The following UNC13C variants were observed in gnomAD, a reference collection of about 807,000 sequenced individuals.
The protein encoded by UNC13C is protein unc-13 homolog C.
Under a neutral mutation model 245.4 loss-of-function variants are expected in UNC13C, and 174 were observed. The observed-to-expected ratio is 0.71, with a 90% CI of 0.63 to 0.80. UNC13C has a LOEUF of 0.80. Among genes scored for constraint, UNC13C ranks in the 30% least tolerant of loss-of-function variants. UNC13C has a pLI of 0.00. For missense variants in UNC13C, 2,829 were observed against 2,602.9 expected (o/e 1.09, Z -1.89); for synonymous variants, 992 against 895.1 (o/e 1.11, Z -1.93).
intron 26 of UNC13C, among the ~76,000 whole-genome samples, chr15:54,537,452 C>CAATATTTTT (rs1285579191): frequency 6.6e-6 from 1 of 151,614 alleles, no homozygotes; most frequent in Non-Finnish European, 1.5e-5. Flanking sequence ...AAACTACCAG[C>CAATATTTTT]AATATTTTTC....
the UNC13C span, among the ~76,000 whole-genome samples, chr15:53,967,721 A>G: frequency 6.6e-6 from 1 of 152,316 alleles, no homozygotes; most frequent in South Asian, 2.1e-4. Flanking sequence ...GGGAAGTGTA[A>G]GTTACATTGA....
intron 30 of UNC13C, among the ~76,000 whole-genome samples, chr15:54,612,533 A>AT (rs1243572643): frequency 6.6e-6 from 1 of 152,048 alleles, no homozygotes; most frequent in African/African-American, 2.4e-5. Context: ...GATTTTCCAC[A>AT]TACAGATATC....
intron 30 of UNC13C, among the ~76,000 whole-genome samples, chr15:54,604,769 G>C (rs1899667324): frequency 2.0e-5 from 3 of 152,124 alleles, no homozygotes; most frequent in Admixed American, 1.3e-4. Context: ...GAGTTGTTCA[G>C]ATGTTGTTAC....
At chr15:53,890,001 G>A in the UNC13C span, among the ~76,000 whole-genome samples, 1 of 152,098 alleles carries the variant, frequency 6.6e-6, no homozygotes, top group Non-Finnish European at 1.5e-5. Context: ...CAGGGATATT[G>A]ATCTGAAATT....
At position 54,456,502 on chromosome 15, in the gene UNC13C, T is replaced by C. The variant is rs372908336; in HGVS notation, c.4934-38106T>C. 4.6e-5 allele frequency among the ~76,000 whole-genome samples: 7 copies of C among 152,182 alleles called. 1 individual carries two copies. Among genetic ancestry groups the C allele is most frequent in the East Asian group, 1.9e-4 (1 of 5,184 alleles). On this transcript the variant is annotated intron_variant, in intron 19 of 32. Transcript: ENST00000260323. Reference sequence around the variant, plus strand: ...CATGAGCATGGGATATGTTTCAATTTGTTTGTATCATCTGTTTCTTTCAGC... The same window carrying C: ...CATGAGCATGGGATATGTTTCAATTCGTTTGTATCATCTGTTTCTTTCAGC...
chr15:54,118,337 T>A (rs60963419), intron 2 of UNC13C, among the ~76,000 whole-genome samples: 3,689 of 152,012 alleles, frequency 0.024, 148 homozygotes, highest in African/African-American at 0.08. Flanking sequence ...TTCATCAGTG[T>A]TTTTTAGTTT....
the UNC13C span, among the ~76,000 whole-genome samples, chr15:53,885,225 CCTTT>C: frequency 6.6e-6 from 1 of 152,186 alleles, no homozygotes; most frequent in Non-Finnish European, 1.5e-5. Flanking sequence ...ACTTCTCCTG[CCTTT>C]CTGTTTCCCA....
chr15:53,842,934 T>C, the UNC13C span, among the ~76,000 whole-genome samples: 1 of 148,926 alleles, frequency 6.7e-6, no homozygotes, highest in South Asian at 2.1e-4. Flanking sequence ...AAAATTAAAA[T>C]AGATAATAAA....
At chr15:54,295,724 G>C (rs893637439) in intron 11 of UNC13C, among the ~76,000 whole-genome samples, 2 of 151,432 alleles carry the variant, frequency 1.3e-5, no homozygotes, top group African/African-American at 4.9e-5. Context: ...AACTTGCTGA[G>C]GAATTTGAAT....
chr15:54,408,482 A>G (rs1323424007), intron 18 of UNC13C, among the ~76,000 whole-genome samples: 3 of 152,146 alleles, frequency 2.0e-5, no homozygotes, highest in Non-Finnish European at 2.9e-5. Flanking sequence ...TTTGTGAGAA[A>G]CAAATTAATA....
At chr15:54,568,710 TA>T in intron 30 of UNC13C, among the ~76,000 whole-genome samples, 1 of 152,176 alleles carries the variant, frequency 6.6e-6, no homozygotes, top group East Asian at 1.9e-4. Flanking sequence ...ACAGAAATAA[TA>T]AAAGTAAGTA....
chr15:54,381,225 C>G (rs1311560101), intron 17 of UNC13C, among the ~76,000 whole-genome samples: 1 of 152,078 alleles, frequency 6.6e-6, no homozygotes, highest in Non-Finnish European at 1.5e-5. Context: ...TGTCCTTTAA[C>G]TATTGTGTGC....
chr15:54,599,196 C>G (rs1425490718), intron 30 of UNC13C, among the ~76,000 whole-genome samples: 1 of 151,896 alleles, frequency 6.6e-6, no homozygotes, highest in Non-Finnish European at 1.5e-5. Context: ...CCCATCTTAC[C>G]AATGAAGAGA....
intron 1 of UNC13C, among the ~76,000 whole-genome samples, chr15:54,001,248 T>G (rs1894872091): frequency 6.6e-6 from 1 of 152,186 alleles, no homozygotes; most frequent in African/African-American, 2.4e-5. Flanking sequence ...TTATATTGCC[T>G]CATGTTAGAT....
At chr15:54,150,547 C>A (rs796630185) in intron 4 of UNC13C, among the ~76,000 whole-genome samples, 2 of 152,342 alleles carry the variant, frequency 1.3e-5, no homozygotes, top group South Asian at 4.1e-4. Context: ...TTCTAAAACC[C>A]ATGAATCAAG....
At chr15:54,285,364 T>C (rs1055056598) in intron 10 of UNC13C, among the ~76,000 whole-genome samples, 2 of 152,202 alleles carry the variant, frequency 1.3e-5, no homozygotes, top group Admixed American at 1.3e-4. Context: ...AGTTTGTCCA[T>C]CTACTATAAT....
At chr15:53,891,230 G>A in the UNC13C span, among the ~76,000 whole-genome samples, 1 of 152,174 alleles carries the variant, frequency 6.6e-6, no homozygotes, top group Non-Finnish European at 1.5e-5. Flanking sequence ...CTGAGAGACT[G>A]TTTGTTATGA....
intron 4 of UNC13C, among the ~76,000 whole-genome samples, chr15:54,207,208 T>C (rs752495435): frequency 3.9e-5 from 6 of 152,040 alleles, no homozygotes; most frequent in Non-Finnish European, 7.4e-5. Context: ...TGAAATTTGA[T>C]TCCTGATGTG....
rs1596315390 is a variant in UNC13C at position 54,388,980 on chromosome 15, T to C, written c.4714-4068T>C. Among the ~76,000 whole-genome samples, 4 of 152,328 alleles carry C rather than the reference T, an allele frequency of 2.6e-5. No individual in the cohort carries two copies. In the South Asian group the frequency reaches 8.3e-4, roughly 32 times the overall value. On this transcript the variant is annotated intron_variant, in intron 17 of 32. Transcript: ENST00000260323. ...CTTATTAACTCTTTAAGTTAATAAG[T>C]AAACTGCCAAGTCATTTAGAACACA...
Sources: gnomAD v4.1 joint callset for allele counts (sites outside exome capture counted in the v4.1 genomes callset) on GRCh38, gnomAD v4.1.1 for gene constraint, MANE v1.5 for transcripts, NCBI Gene and HGNC (gene_info 2026-07-23, HGNC 2026-07-21) for gene names.